Variants in KCNH7 observed in about 807,000 individuals in gnomAD.
KCNH7 encodes the protein potassium voltage-gated channel subfamily H member 7.
In KCNH7, 49 loss-of-function variants were observed where a neutral mutation model predicts 120.8. The observed-to-expected ratio is 0.41, with a 90% CI of 0.32 to 0.51. The LOEUF is 0.51. Among genes scored for constraint, KCNH7 ranks in the 20% least tolerant of loss-of-function variants. The pLI, the probability that KCNH7 is intolerant of heterozygous loss-of-function variation, is 0.38. For missense variants in KCNH7, 1,097 were observed against 1,446.6 expected, an observed-to-expected ratio of 0.76 and a Z score of 3.92; for synonymous variants, 547 against 516.1, an observed-to-expected ratio of 1.06 and a Z score of -0.81.
chr2:162,467,134 T>C (rs940549175), intron 6 of KCNH7, among the ~76,000 whole-genome samples: 3 of 152,208 alleles, frequency 2.0e-5, no homozygotes, highest in African/African-American at 7.2e-5. Flanking sequence ...TGTCTGAGGC[T>C]TAGAAAGCTG....
intron 2 of KCNH7, among the ~76,000 whole-genome samples, chr2:162,570,215 T>C (rs1162002584): frequency 1.3e-5 from 2 of 149,572 alleles, no homozygotes; most frequent in East Asian, 4.0e-4. Context: ...TAGGTGCTCC[T>C]GTATTGGGTG....
intron 2 of KCNH7, among the ~76,000 whole-genome samples, chr2:162,678,314 T>C (rs1435012): frequency 0.16 from 24,056 of 151,286 alleles, 2,251 homozygotes; most frequent in East Asian, 0.46. Flanking sequence ...CTACTCTTAT[T>C]ATAACATTTA....
At chr2:162,551,212 C>A (rs1559009964) in intron 2 of KCNH7, among the ~76,000 whole-genome samples, 2 of 152,090 alleles carry the variant, frequency 1.3e-5, no homozygotes, top group African/African-American at 2.4e-5. Flanking sequence ...CAAAAACTGA[C>A]AGAATGGGCT....
chr2:162,832,268 T>G (rs537178731), intron 2 of KCNH7, among the ~76,000 whole-genome samples: 1 of 152,218 alleles, frequency 6.6e-6, no homozygotes, highest in Non-Finnish European at 1.5e-5. Context: ...AAAGCTACCA[T>G]CTGTATCTCT....
rs1003253503 is a variant in KCNH7 at position 162,468,130 on chromosome 2, G to A, written c.1129-21687C>T. Among the ~76,000 whole-genome samples the A allele has an allele frequency of 5.3e-5, 8 of 152,138 alleles. No individual in the cohort carries two copies. In the East Asian group the frequency reaches 1.5e-3, roughly 29 times the overall value. On this transcript the variant is annotated intron_variant, in intron 6 of 15. Coordinates refer to ENST00000332142, the MANE Select transcript of KCNH7 (RefSeq NM_033272.4). ...TTCTCTTTGTCCTCTCCATCTGGGAGTAGTCATCCTGGCACTGGTGGGCTC... is the reference window on the plus strand; with the variant it reads ...TTCTCTTTGTCCTCTCCATCTGGGAATAGTCATCCTGGCACTGGTGGGCTC...
intron 2 of KCNH7, among the ~76,000 whole-genome samples, chr2:162,787,072 G>A (rs1683735549): frequency 6.6e-6 from 1 of 152,226 alleles, no homozygotes; most frequent in African/African-American, 2.4e-5. Context: ...GTGAACCCCA[G>A]TATCAGGCCT....
chr2:162,551,666 A>G (rs1692672188), intron 2 of KCNH7, among the ~76,000 whole-genome samples: 1 of 152,218 alleles, frequency 6.6e-6, no homozygotes, highest in African/African-American at 2.4e-5. Flanking sequence ...GAACCAAGCT[A>G]TATAAGCAGA....
intron 12 of KCNH7, among the ~76,000 whole-genome samples, chr2:162,386,453 G>GA (rs1288731505): frequency 6.6e-6 from 1 of 151,648 alleles, no homozygotes; most frequent in Non-Finnish European, 1.5e-5. Flanking sequence ...TAGTAAATGT[G>GA]AAAAAAACGA....
chr2:162,563,034 T>G (rs189687806), intron 2 of KCNH7, among the ~76,000 whole-genome samples: 4 of 152,000 alleles, frequency 2.6e-5, no homozygotes, highest in African/African-American at 9.6e-5. Flanking sequence ...ACAGGGTCAC[T>G]TTTCATAGGG....
intron 9 of KCNH7, among the ~76,000 whole-genome samples, chr2:162,413,896 GT>G (rs1292106355): frequency 6.6e-6 from 1 of 151,528 alleles, no homozygotes; most frequent in East Asian, 1.9e-4. Flanking sequence ...TATCTACAAA[GT>G]TCTTATAAAA....
intron 2 of KCNH7, among the ~76,000 whole-genome samples, chr2:162,669,557 C>T (rs982186047): frequency 5.3e-5 from 8 of 152,180 alleles, no homozygotes; most frequent in Admixed American, 4.6e-4. Context: ...AACAAGGACA[C>T]TTTTAAAGCA....
intron 2 of KCNH7, among the ~76,000 whole-genome samples, chr2:162,764,383 T>C (rs7597685): frequency 0.032 from 4,801 of 152,238 alleles, 285 homozygotes; most frequent in African/African-American, 0.11. Context: ...ATATGCCTTC[T>C]CTCCATGTAG....
At chr2:162,578,201 T>C (rs1314062191) in intron 2 of KCNH7, among the ~76,000 whole-genome samples, 2 of 151,992 alleles carry the variant, frequency 1.3e-5, no homozygotes, top group Admixed American at 1.3e-4. Context: ...CAACGCTAGC[T>C]GAGACAATAC....
chr2:162,383,598 T>C (rs1686489273), intron 13 of KCNH7, among the ~76,000 whole-genome samples: 1 of 151,932 alleles, frequency 6.6e-6, no homozygotes, highest in Admixed American at 6.6e-5. Flanking sequence ...TAAGTAATAT[T>C]TACTTACTCT....
At chr2:162,834,156 G>T (rs945398102) in intron 2 of KCNH7, among the ~76,000 whole-genome samples, 7 of 152,088 alleles carry the variant, frequency 4.6e-5, no homozygotes, top group Admixed American at 1.3e-4. Context: ...GACTATCCAA[G>T]AATTTGTATC....
intron 2 of KCNH7, among the ~76,000 whole-genome samples, chr2:162,720,069 C>A (rs1687274751): frequency 6.6e-6 from 1 of 151,878 alleles, no homozygotes; most frequent in Admixed American, 6.6e-5. Context: ...ATCAGGAAGT[C>A]CACGAATCAA....
intron 2 of KCNH7, among the ~76,000 whole-genome samples, chr2:162,599,967 C>T (rs1387661726): frequency 6.6e-6 from 1 of 152,010 alleles, no homozygotes; most frequent in East Asian, 1.9e-4. Context: ...TAGTATTTTG[C>T]TGCATAGTTG....
intron 2 of KCNH7, among the ~76,000 whole-genome samples, chr2:162,554,447 C>A (rs553955491): frequency 6.6e-6 from 1 of 151,916 alleles, no homozygotes; most frequent in East Asian, 1.9e-4. Context: ...TAGTTTAAAG[C>A]CTGGCGTGTT....
At chr2:162,728,671 G>GC (rs1687614501) in intron 2 of KCNH7, among the ~76,000 whole-genome samples, 1 of 152,098 alleles carries the variant, frequency 6.6e-6, no homozygotes, top group African/African-American at 2.4e-5. Flanking sequence ...CTAGCTACTT[G>GC]CAAGGCTGAG....
Sources: gnomAD v4.1 joint callset for allele counts (sites outside exome capture counted in the v4.1 genomes callset) on GRCh38, gnomAD v4.1.1 for gene constraint, MANE v1.5 for transcripts, NCBI Gene and HGNC (gene_info 2026-07-23, HGNC 2026-07-21) for gene names.